INPP4B: variants seen among roughly 807,000 people sequenced by gnomAD.
The protein encoded by INPP4B is inositol polyphosphate 4-phosphatase type II.
A neutral mutation model predicts 122.5 loss-of-function variants in INPP4B; 55 were observed. The observed-to-expected ratio is 0.45, with a 90% CI of 0.36 to 0.56. INPP4B has a LOEUF of 0.56. Ranked by LOEUF, INPP4B falls within the 20% of genes least tolerant of loss-of-function variation. INPP4B has a pLI of 0.00. For missense variants in INPP4B, 1,000 were observed against 1,097.7 expected, an observed-to-expected ratio of 0.91 and a Z score of 1.26; for synonymous variants, 403 against 388.7, an observed-to-expected ratio of 1.04 and a Z score of -0.43.
chr4:142,798,336 G>T (rs1209044166), intron 1 of INPP4B, among the ~76,000 whole-genome samples: 2 of 151,806 alleles, frequency 1.3e-5, no homozygotes, highest in African/African-American at 4.8e-5. Context: ...GGGTAATTGG[G>T]CCCATGAAGA....
intron 23 of INPP4B, among the ~76,000 whole-genome samples, chr4:142,099,960 G>C (rs1313556738): frequency 2.0e-5 from 3 of 152,048 alleles, no homozygotes; most frequent in African/African-American, 7.2e-5. Context: ...GTGGTTCTCA[G>C]GTCTTACTGT....
At chr4:142,064,613 A>T (rs1016236447) in intron 25 of INPP4B, among the ~76,000 whole-genome samples, 2 of 152,174 alleles carry the variant, frequency 1.3e-5, no homozygotes, top group Non-Finnish European at 2.9e-5. Context: ...GTGAAGTGGA[A>T]GGCATTTTTC....
At position 142,278,635 on chromosome 4, in the gene INPP4B, C is replaced by G. The variant is rs74597515; in HGVS notation, c.504-7861G>C. 4.0e-3 allele frequency among the ~76,000 whole-genome samples: 603 copies of G among 151,786 alleles called. 6 individuals are homozygous for G. Among genetic ancestry groups the G allele is most frequent in the African/African-American group, 0.014 (565 of 41,402 alleles). ...TTTATTTTTCTCTATTCTCATGGCC[C>G]CAGGAAGAAAGTGGAGTTGTACAGG... On this transcript the variant is annotated intron_variant, in intron 9 of 25. Transcript: ENST00000262992.
At chr4:142,413,714 A>G in intron 5 of INPP4B, among the ~76,000 whole-genome samples, 1 of 152,144 alleles carries the variant, frequency 6.6e-6, no homozygotes. Context: ...TTCCACATTC[A>G]TATTTTTAAC....
At chr4:142,073,355 A>G (rs966076933) in intron 25 of INPP4B, among the ~76,000 whole-genome samples, 2 of 152,098 alleles carry the variant, frequency 1.3e-5, no homozygotes, top group Non-Finnish European at 2.9e-5. Context: ...TCTTCTGATC[A>G]GGAGAAAAGC....
At chr4:142,221,380 A>T (rs990426611) in intron 12 of INPP4B, among the ~76,000 whole-genome samples, 3 of 117,460 alleles carry the variant, frequency 2.6e-5, no homozygotes, top group Non-Finnish European at 5.0e-5. Context: ...ACAGAGCAAG[A>T]CTCCTTCTCA....
At chr4:142,097,530 T>C (rs1561107003) in intron 23 of INPP4B, among the ~76,000 whole-genome samples, 1 of 152,088 alleles carries the variant, frequency 6.6e-6, no homozygotes, top group African/African-American at 2.4e-5. Context: ...ATTCTGGGAT[T>C]ATAGGTGTGA....
intron 2 of INPP4B, among the ~76,000 whole-genome samples, chr4:142,596,589 A>G (rs1390092890): frequency 1.3e-5 from 2 of 152,240 alleles, no homozygotes; most frequent in African/African-American, 4.8e-5. Context: ...AATTTGTTAT[A>G]TAATAAGCGA....
chr4:142,197,218 C>A (rs1838720529), intron 14 of INPP4B, among the ~76,000 whole-genome samples: 1 of 151,286 alleles, frequency 6.6e-6, no homozygotes, highest in South Asian at 2.1e-4. Flanking sequence ...GGAGGTACTC[C>A]TTATTTATAG....
intron 25 of INPP4B, among the ~76,000 whole-genome samples, chr4:142,076,696 CAAACCTGCACGTT>C (rs932505853): frequency 2.0e-5 from 3 of 151,926 alleles, no homozygotes; most frequent in African/African-American, 4.8e-5. Flanking sequence ...ACATATGTAA[CAAACCTGCACGTT>C]GTGCACATGT....
At chr4:142,424,653 C>T (rs1807643136) in intron 5 of INPP4B, among the ~76,000 whole-genome samples, 1 of 151,906 alleles carries the variant, frequency 6.6e-6, no homozygotes, top group South Asian at 2.1e-4. Context: ...GATTAATATC[C>T]TATCTTATGA....
chr4:142,566,718 C>T (rs1731694917), intron 2 of INPP4B, among the ~76,000 whole-genome samples: 1 of 152,154 alleles, frequency 6.6e-6, no homozygotes, highest in African/African-American at 2.4e-5. Flanking sequence ...AACCCCACTT[C>T]TAGGTTCAGA....
intron 2 of INPP4B, among the ~76,000 whole-genome samples, chr4:142,636,057 C>T (rs1393061358): frequency 6.6e-6 from 1 of 152,068 alleles, no homozygotes; most frequent in Admixed American, 6.6e-5. Context: ...CAGTTTCCCC[C>T]ATGCAGTTCT....
chr4:142,173,249 C>T (rs535465478), intron 16 of INPP4B, among the ~76,000 whole-genome samples: 56 of 151,854 alleles, frequency 3.7e-4, no homozygotes, highest in African/African-American at 1.3e-3. Flanking sequence ...AGTGGCATTC[C>T]TATTCAAATG....
intron 2 of INPP4B, among the ~76,000 whole-genome samples, chr4:142,624,068 C>T (rs1388021854): frequency 6.6e-6 from 1 of 151,656 alleles, no homozygotes; most frequent in Non-Finnish European, 1.5e-5. Context: ...ATTTATAGTC[C>T]TTTGGGTATA....
At chr4:142,718,340 T>C (rs1165167040) in intron 2 of INPP4B, among the ~76,000 whole-genome samples, 1 of 152,206 alleles carries the variant, frequency 6.6e-6, no homozygotes, top group Non-Finnish European at 1.5e-5. Context: ...ACAGTTTGTT[T>C]AAAACTGGCG....
chr4:142,222,305 G>C (rs576894898), intron 12 of INPP4B, among the ~76,000 whole-genome samples: 2 of 152,288 alleles, frequency 1.3e-5, no homozygotes, highest in African/African-American at 4.8e-5. Context: ...TATCTATTCA[G>C]TTATGCAGGC....
At chr4:142,173,879 GC>G (rs1826746672) in intron 15 of INPP4B, 70 bp from the exon 16 acceptor site, 2 of 1,214,084 alleles carry the variant, frequency 1.6e-6, no homozygotes, top group East Asian at 4.7e-5. Flanking sequence ...ATATCAGATG[GC>G]AAATGATAAA....
At chr4:142,186,102 C>T (rs1833090784) in intron 15 of INPP4B, among the ~76,000 whole-genome samples, 1 of 152,008 alleles carries the variant, frequency 6.6e-6, no homozygotes, top group South Asian at 2.1e-4. Context: ...TAAAATCCTA[C>T]TTAGTTTTCA....
Sources: allele counts gnomAD v4.1 joint callset (sites outside exome capture counted in the v4.1 genomes callset), GRCh38; gene constraint gnomAD v4.1.1; transcripts MANE v1.5; gene names NCBI Gene and HGNC (gene_info 2026-07-23, HGNC 2026-07-21).